The following ANKRD44 variants were observed in gnomAD, a reference collection of about 807,000 sequenced individuals.
The protein encoded by ANKRD44 is serine/threonine-protein phosphatase 6 regulatory ankyrin repeat subunit B.
In ANKRD44, 35 loss-of-function variants were observed where a neutral mutation model predicts 116.0. That is an observed-to-expected ratio of 0.30 (90% CI 0.23 to 0.40). ANKRD44 has a LOEUF of 0.40. Among genes scored for constraint, ANKRD44 ranks in the 10% least tolerant of loss-of-function variants. The pLI, the probability that ANKRD44 is intolerant of heterozygous loss-of-function variation, is 1.00. For synonymous variants in ANKRD44, 435 were observed against 461.8 expected (o/e 0.94, Z 0.74); for missense variants, 1,014 against 1,242.6 (o/e 0.82, Z 2.77).
chr2:197,029,175 C>G (rs1261728296), intron 16 of ANKRD44: 1 of 192,806 alleles, frequency 5.2e-6, no homozygotes, highest in African/African-American at 2.4e-5. Context: ...TTCCCCTTCC[C>G]ATGTCCAAGT....
chr2:197,011,736 G>A (rs1199693539), intron 18 of ANKRD44, among the ~76,000 whole-genome samples: 1 of 152,128 alleles, frequency 6.6e-6, no homozygotes, highest in African/African-American at 2.4e-5. Context: ...GCCTTCCAAA[G>A]TGCTGGGATT....
At chr2:197,000,618 C>T (rs865964920) in intron 22 of ANKRD44, 116 bp from the exon 23 acceptor site, 17 of 824,124 alleles carry the variant, frequency 2.1e-5, no homozygotes, top group African/African-American at 1.7e-4. Context: ...AAAAATCGAA[C>T]GTAAATATTT....
intron 1 of ANKRD44, among the ~76,000 whole-genome samples, chr2:197,282,196 T>C (rs2083285848): frequency 6.6e-6 from 1 of 152,090 alleles, no homozygotes; most frequent in African/African-American, 2.4e-5. Flanking sequence ...GAGCCTGCAG[T>C]GAGCGGAGAT....
chr2:196,975,855 A>G (rs1389226785), intron 21 of ANKRD44, among the ~76,000 whole-genome samples: 1 of 150,360 alleles, frequency 6.7e-6, no homozygotes, highest in African/African-American at 2.4e-5. Context: ...GAAAGAAGGA[A>G]AGAAAGAAAA....
chr2:196,999,167 T>C, intron 23 of ANKRD44, 115 bp from the exon 24 acceptor site: 1 of 1,262,864 alleles, frequency 7.9e-7, no homozygotes, highest in Non-Finnish European at 1.1e-6. Context: ...TCTCAGTTTA[T>C]AGACATAGTG....
intron 2 of ANKRD44, among the ~76,000 whole-genome samples, chr2:197,154,469 G>A (rs1385909439): frequency 2.0e-5 from 3 of 152,028 alleles, no homozygotes; most frequent in African/African-American, 7.2e-5. Flanking sequence ...GTGAGCCACC[G>A]CGCCCGGCCA....
At chr2:197,046,485 C>T (rs977161601) in intron 16 of ANKRD44, among the ~76,000 whole-genome samples, 3 of 152,024 alleles carry the variant, frequency 2.0e-5, no homozygotes, top group African/African-American at 7.3e-5. Context: ...TGAATTTACA[C>T]CTTTGAGGCT....
intron 10 of ANKRD44, among the ~76,000 whole-genome samples, chr2:197,097,123 A>C (rs2078178897): frequency 6.6e-6 from 1 of 152,184 alleles, no homozygotes. Flanking sequence ...CATAAATTGA[A>C]AGCAAAATAA....
At chr2:197,014,784 C>CAA (rs370169126) in intron 17 of ANKRD44, among the ~76,000 whole-genome samples, 12 of 123,512 alleles carry the variant, frequency 9.7e-5, no homozygotes, top group African/African-American at 2.6e-4. Context: ...ACTCTGTCTC[C>CAA]AAAAAAAAAA....
At chr2:197,086,575 CA>C in intron 13 of ANKRD44, 104 bp downstream of exon 13, 1 of 1,060,900 alleles carries the variant, frequency 9.4e-7, no homozygotes, top group Non-Finnish European at 1.4e-6. Context: ...GGAATCCCCC[CA>C]GCTAACTTCC....
intron 18 of ANKRD44, among the ~76,000 whole-genome samples, 184 bp downstream of exon 18, chr2:197,013,327 A>T (rs1358852680): frequency 6.6e-6 from 1 of 152,220 alleles, no homozygotes; most frequent in Non-Finnish European, 1.5e-5. Context: ...ACCTGGCCAG[A>T]GAACACCAAT....
chr2:197,015,085 T>C, intron 17 of ANKRD44: 1 of 250,164 alleles, frequency 4.0e-6, no homozygotes, highest in South Asian at 5.3e-5. Flanking sequence ...CATTCACAGG[T>C]TGTGTGGTAA....
chr2:196,970,805 G>T (rs2075709837), intron 21 of ANKRD44, among the ~76,000 whole-genome samples: 1 of 152,126 alleles, frequency 6.6e-6, no homozygotes, highest in Non-Finnish European at 1.5e-5. Flanking sequence ...GGTCTCAAGT[G>T]GTCCTCTCAC....
Position 197,126,010 on chromosome 2 carries a change from A to C in ANKRD44, c.289T>G (p.Ser97Ala). The C allele has an allele frequency of 6.2e-7, 1 of 1,614,208 alleles. No homozygotes were observed. The highest frequency in any genetic ancestry group is 8.5e-7 in the Non-Finnish European group (1 of 1,180,042). Residue 97 changes from serine (S) to alanine (A), a missense_variant, in exon 5 of 28, where the codon TCA becomes GCA. Transcript: ENST00000282272. Reference protein sequence around the residue: ...EEAVQVLIKHSADVNARDKNW... With the variant: ...EEAVQVLIKHAADVNARDKNW... ...TTGTCCCTTGCATTGACATCAGCTG[A>C]GTGCTTAATCAAAACCTGTACTGCT...
intron 1 of ANKRD44, among the ~76,000 whole-genome samples, chr2:197,289,232 T>G (rs2083491351): frequency 6.6e-6 from 1 of 152,184 alleles, no homozygotes; most frequent in Admixed American, 6.5e-5. Flanking sequence ...CATTACTACA[T>G]AAATATTAGT....
chr2:197,245,188 A>T (rs2125810706), intron 1 of ANKRD44, among the ~76,000 whole-genome samples: 1 of 152,300 alleles, frequency 6.6e-6, no homozygotes, highest in African/African-American at 2.4e-5. Flanking sequence ...TGAACCCAGG[A>T]GGTGAACATT....
rs1411781021 is a variant in ANKRD44 at position 197,136,579 on chromosome 2, G to A, written c.261+13C>T. ...GCACAGTAGGTATTAGATTAAATATGGTAATCACTCACTTCACTTCTGGAA... is the reference window on the plus strand; with the variant it reads ...GCACAGTAGGTATTAGATTAAATATAGTAATCACTCACTTCACTTCTGGAA... On this transcript the variant is annotated intron_variant, in intron 4 of 27. Coordinates refer to ENST00000282272, the MANE Select transcript of ANKRD44 (RefSeq NM_001195144.2). The A allele has an allele frequency of 2.5e-6, 4 of 1,611,178 alleles. No individual in the cohort carries two copies. Among genetic ancestry groups the A allele is most frequent in the East Asian group, 4.5e-5 (2 of 44,864 alleles).
chr2:197,029,442 G>A (rs1348443090), intron 16 of ANKRD44: 6 of 379,190 alleles, frequency 1.6e-5, no homozygotes, highest in African/African-American at 8.7e-5. Flanking sequence ...TAAGGTCTGT[G>A]TTGCTTATCT....
intron 16 of ANKRD44, among the ~76,000 whole-genome samples, chr2:197,034,313 C>A (rs1001652623): frequency 6.6e-6 from 1 of 152,008 alleles, no homozygotes; most frequent in African/African-American, 2.4e-5. Flanking sequence ...TCAGAGAGTA[C>A]AATTTTATGC....
Sources: gnomAD v4.1 joint callset for allele counts (sites outside exome capture counted in the v4.1 genomes callset) on GRCh38, gnomAD v4.1.1 for gene constraint, MANE v1.5 for transcripts, NCBI Gene and HGNC (gene_info 2026-07-23, HGNC 2026-07-21) for gene names.